HAS3: variants seen among roughly 807,000 people sequenced by gnomAD.
The protein encoded by HAS3 is hyaluronan synthase 3.
A neutral mutation model predicts 50.3 loss-of-function variants in HAS3; 27 were observed. The observed-to-expected ratio is 0.54, with a 90% confidence interval of 0.40 to 0.74. HAS3 has a LOEUF of 0.74. Among genes scored for constraint, HAS3 ranks in the 30% least tolerant of loss-of-function variants. The pLI is 0.00. For missense variants in HAS3, 517 were observed against 742.8 expected (o/e 0.70, Z 3.53); for synonymous variants, 339 against 310.9 (o/e 1.09, Z -0.95).
In HAS3 at chr16:69,115,008, C is replaced by T. The variant is rs1171183388; in HGVS notation, c.1404C>T (p.Thr468=). ...CCATCAACAAATCTGGCTGGGGCAC[C>T]TCTGGCCGAAAAACCATTGTGGTGA... ...IATINKSGWG[T]SGRKTIVVNF... The change falls in exon 4 of 4, where the codon ACC becomes ACT. Residue 468 remains threonine (T), a synonymous_variant. Transcript: ENST00000569188. 6.2e-7 allele frequency: 1 copy of T among 1,614,054 alleles called. No homozygotes were observed. Among genetic ancestry groups the T allele is most frequent in the African/African-American group, 1.3e-5 (1 of 74,924 alleles).
chr16:69,092,583 A>G, the HAS3 span, among the ~76,000 whole-genome samples: 9 of 145,074 alleles, frequency 6.2e-5, 1 homozygote, highest in Admixed American at 6.4e-4. Context: ...CCTGGGTGAC[A>G]GAGTGCAACT....
the HAS3 span, among the ~76,000 whole-genome samples, chr16:69,095,542 G>T: frequency 1.3e-5 from 2 of 151,526 alleles, no homozygotes; most frequent in Admixed American, 1.3e-4. Flanking sequence ...CAAGCCTGGG[G>T]TCCACCCCCA....
intron 2 of HAS3, among the ~76,000 whole-genome samples, chr16:69,111,228 A>C (rs1002314076): frequency 1.5e-5 from 2 of 131,602 alleles, no homozygotes. Context: ...GCACCACAAC[A>C]CCCAGCTACT....
chr16:69,098,377 A>G, the HAS3 span, among the ~76,000 whole-genome samples: 1 of 152,040 alleles, frequency 6.6e-6, no homozygotes, highest in Non-Finnish European at 1.5e-5. Flanking sequence ...TGTCAAAAAA[A>G]AAAAAGGAAA....
rs1961149503 is a variant in HAS3, at chr16:69,115,416, T to C, written c.*150T>C. ...AAATCTAAAATGCAAAGAACGGTGA[T>C]GTAGTATGGCCTGACAGCTCTGTTT... On this transcript the variant is annotated 3_prime_UTR_variant, in exon 4 of 4. Transcript: ENST00000569188. 3.6e-6 allele frequency: 5 copies of C among 1,380,292 alleles called. No individual in the cohort carries two copies. The African/African-American group carries it at 5.8e-5, about 16-fold the overall frequency. 85.5% of individuals were successfully genotyped at this position (1,380,292 alleles called of 1,614,324 possible). A position where few individuals can be genotyped will look rare whatever the true frequency, so the allele number is the denominator to read the frequency against.
the HAS3 span, among the ~76,000 whole-genome samples, chr16:69,100,531 G>A: frequency 6.6e-6 from 1 of 152,114 alleles, no homozygotes; most frequent in Non-Finnish European, 1.5e-5. Context: ...ATGCCAGGGA[G>A]GAGCAGTGAA....
Position 69,114,748 on chromosome 16 carries a change from G to T in HAS3, c.1144G>T (p.Glu382Ter). 6.2e-7 allele frequency: 1 copy of T among 1,614,116 alleles called. No homozygotes were observed. The highest frequency in any genetic ancestry group is 8.5e-7 in the Non-Finnish European group (1 of 1,180,032). ...TAAGCACCACCTCTGGATGACCTACGAGTCAGTGGTCACGGGTTTCTTCCC... is the reference window on the plus strand; with the variant it reads ...TAAGCACCACCTCTGGATGACCTACTAGTCAGTGGTCACGGGTTTCTTCCC... ...FHKHHLWMTY[E>*]SVVTGFFPFF... The change falls in exon 4 of 4, where the codon GAG (glutamate) becomes TAG (stop). Residue 382 changes from glutamate (E) to a stop codon, truncating the protein, a stop_gained. Coordinates refer to ENST00000569188, the MANE Select transcript of HAS3 (RefSeq NM_001199280.2). LOFTEE classifies it high-confidence loss of function. The surrounding 1 kb of genome is among the most constrained non-coding windows in gnomAD (Gnocchi z 6.4).
Position 69,115,798 on chromosome 16 carries a change from T to C in HAS3, c.*532T>C, listed in dbSNP as rs1448901452. Reference sequence around the variant, plus strand: ...GATACAAGGCCCAGAAGCCTGATCTTTGGGCATCAGAAAACAGGGTCCAGG... The same window carrying C: ...GATACAAGGCCCAGAAGCCTGATCTCTGGGCATCAGAAAACAGGGTCCAGG... On this transcript the variant is annotated 3_prime_UTR_variant, in exon 4 of 4. Transcript: ENST00000569188. 1.0e-6 allele frequency: 1 copy of C among 985,944 alleles called. No individual in the cohort carries two copies. The highest frequency in any genetic ancestry group is 1.2e-6 in the Non-Finnish European group (1 of 830,178). 61.1% of individuals were successfully genotyped at this position (985,944 alleles called of 1,614,324 possible). A position where few individuals can be genotyped will look rare whatever the true frequency, so the allele number is the denominator to read the frequency against.
the HAS3 span, among the ~76,000 whole-genome samples, chr16:69,099,782 C>T: frequency 6.6e-6 from 1 of 151,650 alleles, no homozygotes; most frequent in African/African-American, 2.4e-5. Context: ...GCACAATATT[C>T]CACTAAAAAG....
At chr16:69,088,557 C>CAA in the HAS3 span, among the ~76,000 whole-genome samples, 11 of 52,218 alleles carry the variant, frequency 2.1e-4, no homozygotes, top group African/African-American at 2.5e-4. Context: ...GACTCCATCT[C>CAA]AAAAAAAAAA....
In HAS3 at chr16:69,109,508, C is replaced by T. The variant is rs776059000; in HGVS notation, c.113C>T (p.Thr38Met). The T allele has an allele frequency of 8.1e-6, 13 of 1,613,926 alleles. No individual in the cohort carries two copies. The highest frequency in any genetic ancestry group is 1.6e-4 in the Middle Eastern group (1 of 6,084). The change falls in exon 2 of 4, where the codon ACG becomes ATG. Residue 38 changes from threonine (T) to methionine (M), a missense_variant. Transcript: ENST00000569188. This position sits in a 1 kb window ranked among gnomAD's most constrained non-coding sequence, Gnocchi z 5.3. ...GTGACGGGCTACCAGTTCATCCACA[C>T]GGAAAAGCACTACCTGTCCTTCGGC... ...AYVTGYQFIH[T>M]EKHYLSFGLY... is the part of the protein sequence containing the mutation.
the HAS3 span, among the ~76,000 whole-genome samples, chr16:69,091,767 G>C: frequency 6.7e-3 from 1,015 of 152,246 alleles, 6 homozygotes; most frequent in Non-Finnish European, 0.011. Context: ...ATAGTCATCC[G>C]GGAGAGAAAT....
At chr16:69,104,992 GTTTTTT>G (rs565397720), upstream of HAS3, among the ~76,000 whole-genome samples, 4 of 81,980 alleles carry the variant, frequency 4.9e-5, no homozygotes, top group Non-Finnish European at 9.0e-5. Context: ...CTGTTTTTTG[GTTTTTT>G]TTTTTTTTTT....
Position 69,107,450 on chromosome 16 carries a change from C to T in HAS3, c.-1+1663C>T. ...GGATCCCTTGGGTTTTCCGTTCCTT[C>T]CCGGTTGGGTCGTGGGAAAGCGGCA... is the stretch of plus-strand genomic sequence containing the variant. On this transcript the variant is annotated intron_variant, in intron 1 of 3. Coordinates refer to ENST00000569188, the MANE Select transcript of HAS3 (RefSeq NM_001199280.2). The surrounding 1 kb of genome is among the most constrained non-coding windows in gnomAD (Gnocchi z 5.5). The T allele has an allele frequency of 1.0e-6, 1 of 985,624 alleles. No homozygotes were observed. The highest frequency in any genetic ancestry group is 1.2e-6 in the Non-Finnish European group (1 of 830,076). 61.1% of individuals were successfully genotyped at this position (985,624 alleles called of 1,614,324 possible). A position where few individuals can be genotyped will look rare whatever the true frequency, so the allele number is the denominator to read the frequency against.
In HAS3 at chr16:69,106,498, C is replaced by T. The variant is rs1202844524; in HGVS notation, c.-1+711C>T. ...TGGGGGCGGCGGCAGCCCCGGGCTT[C>T]CCGGCGGCCGTTCCTGCAGCCCCCT... On this transcript the variant is annotated intron_variant, in intron 1 of 3. Coordinates refer to ENST00000569188, the MANE Select transcript of HAS3 (RefSeq NM_001199280.2). This position sits in a 1 kb window ranked among gnomAD's most constrained non-coding sequence, Gnocchi z 5.5. The T allele has an allele frequency of 1.3e-5, 2 of 151,670 alleles. No homozygotes were observed. Among genetic ancestry groups the T allele is most frequent in the Non-Finnish European group, 2.9e-5 (2 of 67,872 alleles). 9.4% of individuals were successfully genotyped at this position (151,670 alleles called of 1,614,324 possible).
At chr16:69,100,331 C>T in the HAS3 span, among the ~76,000 whole-genome samples, 2 of 152,204 alleles carry the variant, frequency 1.3e-5, no homozygotes, top group Non-Finnish European at 2.9e-5. Context: ...CCTGTTTGGG[C>T]AGCTGCGGGA....
the HAS3 span, among the ~76,000 whole-genome samples, chr16:69,089,799 C>T: frequency 6.6e-6 from 1 of 152,202 alleles, no homozygotes; most frequent in African/African-American, 2.4e-5. Flanking sequence ...ATAGGGAGTC[C>T]GTAGCTCCAC....
At chr16:69,095,206 A>C in the HAS3 span, among the ~76,000 whole-genome samples, 1 of 152,030 alleles carries the variant, frequency 6.6e-6, no homozygotes, top group African/African-American at 2.4e-5. Context: ...GCTGGTCTTG[A>C]ACTCCTGGCC....
At chr16:69,110,295 T>C (rs562976752) in intron 2 of HAS3, among the ~76,000 whole-genome samples, 3,884 of 152,092 alleles carry the variant, frequency 0.026, 158 homozygotes, top group African/African-American at 0.087. Context: ...ACTAAAAATA[T>C]AAAAAATTAG....
Sources: allele counts gnomAD v4.1 joint callset (sites outside exome capture counted in the v4.1 genomes callset), GRCh38; gene constraint gnomAD v4.1.1; non-coding constraint Gnocchi (gnomAD v3.1); transcripts MANE v1.5; gene names NCBI Gene and HGNC (gene_info 2026-07-23, HGNC 2026-07-21).